TRPS1: variants seen among roughly 807,000 people sequenced by gnomAD.
The protein encoded by TRPS1 is transcriptional repressor GATA binding 1.
A neutral mutation model predicts 101.2 loss-of-function variants in TRPS1; 6 were observed. The ratio of observed to expected loss-of-function variants is 0.06; its 90% CI spans 0.03 to 0.12. TRPS1 has a LOEUF of 0.12. TRPS1 is among the 10% of genes least tolerant of loss of function. The pLI, the probability that TRPS1 is intolerant of heterozygous loss-of-function variation, is 1.00. For synonymous variants in TRPS1, 578 were observed against 589.8 expected, an observed-to-expected ratio of 0.98 and a Z score of 0.29; for missense variants, 1,363 against 1,567.0, an observed-to-expected ratio of 0.87 and a Z score of 2.20.
At chr8:115,544,747 A>G (rs1351082266) in intron 5 of TRPS1, among the ~76,000 whole-genome samples, 1 of 152,178 alleles carries the variant, frequency 6.6e-6, no homozygotes, top group Non-Finnish European at 1.5e-5. Context: ...AATTTATTAA[A>G]TCATTCTCCA....
At chr8:115,524,319 C>CTTTTTTTTTTTTTTTTTT (rs139406462) in intron 5 of TRPS1, among the ~76,000 whole-genome samples, 10 of 70,714 alleles carry the variant, frequency 1.4e-4, no homozygotes, top group South Asian at 6.5e-4. Flanking sequence ...CTTCTTCTTC[C>CTTTTTTTTTTTTTTTTTT]TTTTTTTTTT....
chr8:115,450,843 GATCCATA>G (rs1263843311), intron 5 of TRPS1, among the ~76,000 whole-genome samples: 4 of 152,088 alleles, frequency 2.6e-5, no homozygotes, highest in Non-Finnish European at 5.9e-5. Context: ...AAATTTCATA[GATCCATA>G]ATGCATCCTT....
chr8:115,564,353 C>T (rs2130377109), intron 5 of TRPS1, among the ~76,000 whole-genome samples: 1 of 152,144 alleles, frequency 6.6e-6, no homozygotes, highest in Non-Finnish European at 1.5e-5. Context: ...CTGTGGCCCT[C>T]TAGCTATACC....
At position 115,412,123 on chromosome 8, in the gene TRPS1, AGAG is replaced by A. The variant is rs1321489174; in HGVS notation, c.*1897_*1899del. 6.6e-6 allele frequency: 1 copy of A among 152,502 alleles called. No homozygotes were observed. Among genetic ancestry groups the A allele is most frequent in the Non-Finnish European group, 1.5e-5 (1 of 68,000 alleles). The allele number at this position is 152,502 out of a possible 1,614,324, so 9.4% of individuals were successfully genotyped here. On this transcript the variant is annotated 3_prime_UTR_variant, in exon 7 of 7. Coordinates refer to ENST00000395715, the MANE Select transcript of TRPS1 (RefSeq NM_014112.5). Reference sequence around the variant, plus strand: ...ATGAAACATAGACAAAGCAATAAAAAGAGGATATATGTTTATCATCTTAAGCAT... The same window carrying A: ...ATGAAACATAGACAAAGCAATAAAAAGATATATGTTTATCATCTTAAGCAT...
chr8:115,657,412 A>G (rs919605641), intron 1 of TRPS1, among the ~76,000 whole-genome samples: 1 of 152,148 alleles, frequency 6.6e-6, no homozygotes, highest in African/African-American at 2.4e-5. Flanking sequence ...TTATTGAACT[A>G]CACTAGCTCA....
chr8:115,577,983 G>A (rs1474474275), intron 5 of TRPS1, among the ~76,000 whole-genome samples: 1 of 152,120 alleles, frequency 6.6e-6, no homozygotes, highest in East Asian at 1.9e-4. Flanking sequence ...TTATTCGCCC[G>A]AGAAAGGCAA....
At chr8:115,423,591 A>G (rs1015128381) in intron 5 of TRPS1, among the ~76,000 whole-genome samples, 9 of 152,220 alleles carry the variant, frequency 5.9e-5, no homozygotes, top group Admixed American at 4.6e-4. Context: ...ACCAATAAGT[A>G]TAATGACTAA....
intron 5 of TRPS1, among the ~76,000 whole-genome samples, chr8:115,422,763 G>T (rs960788352): frequency 3.3e-5 from 5 of 152,120 alleles, no homozygotes; most frequent in Non-Finnish European, 7.3e-5. Flanking sequence ...AATTGCTGAT[G>T]GTTCTATCTG....
rs1554583382 is a variant in TRPS1, at chr8:115,533,439, T to TTTTTTTTTTG, written c.2700+53561_2700+53562insCAAAAAAAAA. Among the ~76,000 whole-genome samples the TTTTTTTTTTG allele has an allele frequency of 3.7e-3, 432 of 116,584 alleles. 13 individuals are homozygous for TTTTTTTTTTG. Among genetic ancestry groups the TTTTTTTTTTG allele is most frequent in the African/African-American group, 0.018 (419 of 22,914 alleles). 76.5% of individuals were successfully genotyped at this position (116,584 alleles called of 152,430 possible). On this transcript the variant is annotated intron_variant, in intron 5 of 6. Transcript: ENST00000395715. ...GCCCGCTTCCCACATGTAATCTGTT[T>TTTTTTTTTTG]TTTTTTTTTTTTTTTTTTTTCCTGA...
At chr8:115,627,177 AATTG>A (rs1310644409) in intron 1 of TRPS1, among the ~76,000 whole-genome samples, 1 of 151,698 alleles carries the variant, frequency 6.6e-6, no homozygotes, top group Non-Finnish European at 1.5e-5. Flanking sequence ...AGGCAAGGGG[AATTG>A]ATTATTTTTC....
intron 5 of TRPS1, among the ~76,000 whole-genome samples, chr8:115,430,131 A>C (rs917986915): frequency 6.6e-6 from 1 of 152,178 alleles, no homozygotes; most frequent in African/African-American, 2.4e-5. Context: ...CTTCATCATA[A>C]GAGGAACTTT....
chr8:115,486,716 G>T (rs945900360), intron 5 of TRPS1, among the ~76,000 whole-genome samples: 1 of 152,194 alleles, frequency 6.6e-6, no homozygotes, highest in Non-Finnish European at 1.5e-5. Flanking sequence ...CTAACCCAAA[G>T]CAAGGCCCTA....
In TRPS1 at chr8:115,583,432, C is replaced by G. The variant is rs557842871; in HGVS notation, c.2700+3569G>C. On this transcript the variant is annotated intron_variant, in intron 5 of 6. Coordinates refer to ENST00000395715, the MANE Select transcript of TRPS1 (RefSeq NM_014112.5). ...TAAACATGTTAACCTCTTCACAGACCTAAACTTTAAATAAAAACACTGGGT... is the reference window on the plus strand; with the variant it reads ...TAAACATGTTAACCTCTTCACAGACGTAAACTTTAAATAAAAACACTGGGT... Among the ~76,000 whole-genome samples the G allele has an allele frequency of 3.3e-5, 5 of 152,000 alleles. No individual in the cohort carries two copies. The East Asian group carries it at 9.7e-4, about 29-fold the overall frequency.
chr8:115,430,444 AGTGT>A (rs141850172), intron 5 of TRPS1, among the ~76,000 whole-genome samples: 3 of 149,868 alleles, frequency 2.0e-5, no homozygotes, highest in African/African-American at 4.9e-5. Context: ...GCCACTTTGG[AGTGT>A]GTGTGTGTGT....
At chr8:115,608,615 C>T (rs773665513) in intron 3 of TRPS1, among the ~76,000 whole-genome samples, 4 of 147,226 alleles carry the variant, frequency 2.7e-5, no homozygotes, top group Non-Finnish European at 5.9e-5. Context: ...TACTGTACAA[C>T]TTGTCATTTT....
intron 5 of TRPS1, among the ~76,000 whole-genome samples, chr8:115,441,538 G>C (rs545026470): frequency 1.6e-4 from 24 of 152,238 alleles, no homozygotes; most frequent in African/African-American, 5.3e-4. Flanking sequence ...AAATCTTTTT[G>C]TAGATTCCTT....
rs11998158 is a variant in TRPS1 at position 115,473,447 on chromosome 8, G to A, written c.2701-54995C>T. On this transcript the variant is annotated intron_variant, in intron 5 of 6. Transcript: ENST00000395715. ...CACCAGGTCCCTCCCATGAGACTTG[G>A]GGATTATGGGAACTGCAATTTAAGA... 9.2e-3 allele frequency among the ~76,000 whole-genome samples: 1,400 copies of A among 152,234 alleles called. 23 individuals are homozygous for A. The highest frequency in any genetic ancestry group is 0.029 in the African/African-American group (1,204 of 41,536).
At chr8:115,584,410 A>C (rs2130436331) in intron 5 of TRPS1, among the ~76,000 whole-genome samples, 1 of 152,086 alleles carries the variant, frequency 6.6e-6, no homozygotes. Context: ...GTTACTTTCA[A>C]GTTCTATTTT....
intron 1 of TRPS1, among the ~76,000 whole-genome samples, chr8:115,624,720 A>C (rs1818467661): frequency 6.6e-6 from 1 of 151,948 alleles, no homozygotes. Context: ...TTACCGTATA[A>C]TTTAGACAGA....
Sources: allele counts gnomAD v4.1 joint callset (sites outside exome capture counted in the v4.1 genomes callset), GRCh38; gene constraint gnomAD v4.1.1; transcripts MANE v1.5; gene names NCBI Gene and HGNC (gene_info 2026-07-23, HGNC 2026-07-21).